The following FLVCR1 variants were observed in gnomAD, a reference collection of about 807,000 sequenced individuals.
FLVCR1 encodes the protein choline/ethanolamine transporter FLVCR1.
In FLVCR1, 34 loss-of-function variants were observed where a neutral mutation model predicts 53.6. The observed-to-expected ratio is 0.63, with a 90% CI of 0.48 to 0.84. The LOEUF (loss-of-function observed/expected upper bound fraction) is 0.84, where lower values mean the gene tolerates loss of function less well. Among genes scored for constraint, FLVCR1 ranks in the 40% least tolerant of loss-of-function variants. The pLI, the probability that FLVCR1 is intolerant of heterozygous loss-of-function variation, is 0.00. For missense variants in FLVCR1, 677 were observed against 696.7 expected, an observed-to-expected ratio of 0.97 and a Z score of 0.32; for synonymous variants, 300 against 286.3, an observed-to-expected ratio of 1.05 and a Z score of -0.48.
rs1040880233 is a variant in FLVCR1, at chr1:212,898,665, A to G, written c.*3375A>G. Reference sequence around the variant, plus strand: ...CTGTAATATGTCAAGCAAGAATGTTATAATTCTACAGTAATGTGTGACTTC... The same window carrying G: ...CTGTAATATGTCAAGCAAGAATGTTGTAATTCTACAGTAATGTGTGACTTC... On this transcript the variant is annotated 3_prime_UTR_variant, in exon 10 of 10. Transcript: ENST00000366971. The G allele has an allele frequency of 6.6e-6, 1 of 152,238 alleles. No individual in the cohort carries two copies. The highest frequency in any genetic ancestry group is 2.4e-5 in the African/African-American group (1 of 41,462). 9.4% of individuals were successfully genotyped at this position (152,238 alleles called of 1,614,324 possible). A position where few individuals can be genotyped will look rare whatever the true frequency, so the allele number is the denominator to read the frequency against.
At chr1:212,876,389 G>A (rs1055561621) in intron 3 of FLVCR1, among the ~76,000 whole-genome samples, 4 of 144,400 alleles carry the variant, frequency 2.8e-5, no homozygotes, top group African/African-American at 1.0e-4. Context: ...TTTTTTTTGA[G>A]ATGGAGTTTC....
chr1:212,873,016 G>A (rs1664648588), intron 3 of FLVCR1, among the ~76,000 whole-genome samples, 198 bp downstream of exon 3: 1 of 152,088 alleles, frequency 6.6e-6, no homozygotes, highest in African/African-American at 2.4e-5. Flanking sequence ...TTTTTAAAAG[G>A]TAGTTTTTGG....
chr1:212,888,005 A>G lies in FLVCR1; in HGVS notation c.1307+4A>G. The G allele has an allele frequency of 6.8e-7, 1 of 1,470,064 alleles. No homozygotes were observed. The highest frequency in any genetic ancestry group is 9.5e-7 in the Non-Finnish European group (1 of 1,048,876). 91.1% of individuals were successfully genotyped at this position (1,470,064 alleles called of 1,614,324 possible). On this transcript the variant is annotated splice_donor_region_variant and intron_variant, in intron 6 of 9. Transcript: ENST00000366971. Reference sequence around the variant, plus strand: ...TTGTTACTGGAGGGGTGCTTGGGTAAGTATCAGATGTGTTTAGGAGGAATG... The same window carrying G: ...TTGTTACTGGAGGGGTGCTTGGGTAGGTATCAGATGTGTTTAGGAGGAATG...
chr1:212,866,383 A>AG (rs1664430576), intron 2 of FLVCR1, among the ~76,000 whole-genome samples: 2 of 151,984 alleles, frequency 1.3e-5, no homozygotes, highest in South Asian at 4.1e-4. Flanking sequence ...GGCCTCCCAA[A>AG]GGGCTGGGAT....
chr1:212,862,634 T>C (rs183796434), intron 1 of FLVCR1, among the ~76,000 whole-genome samples: 22 of 152,378 alleles, frequency 1.4e-4, no homozygotes, highest in African/African-American at 4.6e-4. Context: ...TGAATAGGGC[T>C]GCTGTGAACA....
intron 2 of FLVCR1, among the ~76,000 whole-genome samples, chr1:212,867,519 TAACTCCCTATATA>T (rs1426298286): frequency 6.6e-6 from 1 of 152,226 alleles, no homozygotes. Flanking sequence ...CTAGACAATT[TAACTCCCTATATA>T]AAAGTTACAG....
intron 2 of FLVCR1, chr1:212,870,177 A>G (rs1021721537): frequency 1.3e-5 from 2 of 152,220 alleles, no homozygotes; most frequent in Non-Finnish European, 2.9e-5. Context: ...ATGTAAGGAT[A>G]TTAAAAAGTA....
chr1:212,881,219 C>T (rs1204714052), intron 3 of FLVCR1, among the ~76,000 whole-genome samples: 1 of 150,642 alleles, frequency 6.6e-6, no homozygotes, highest in African/African-American at 2.4e-5. Context: ...ATAGTAGAGA[C>T]CAAAGAGTAA....
At chr1:212,894,441 C>T (rs12755947) in intron 8 of FLVCR1, among the ~76,000 whole-genome samples, 59,971 of 151,974 alleles carry the variant, frequency 0.39, 13,345 homozygotes, top group South Asian at 0.52. Flanking sequence ...GCATGACCCA[C>T]CACGCCCAGC....
chr1:212,890,183 T>G (rs1321525197), intron 8 of FLVCR1, among the ~76,000 whole-genome samples: 1 of 152,368 alleles, frequency 6.6e-6, no homozygotes, highest in East Asian at 1.9e-4. Context: ...AGTTTGCCCA[T>G]GCACATGGGT....
chr1:212,890,275 G>A (rs1476338952), intron 8 of FLVCR1, among the ~76,000 whole-genome samples: 1 of 152,122 alleles, frequency 6.6e-6, no homozygotes, highest in East Asian at 1.9e-4. Context: ...TAGTATAACA[G>A]CTATTTACAT....
In FLVCR1 at chr1:212,858,849, A is replaced by G; in HGVS notation, c.397A>G (p.Asn133Asp). Residue 133 changes from asparagine (N) to aspartate (D), a missense_variant, in exon 1 of 10, where the codon AAC (asparagine) becomes GAC (aspartate). Asn to Asp is a conservative substitution (Grantham distance 23). Coordinates refer to ENST00000366971, the MANE Select transcript of FLVCR1 (RefSeq NM_014053.4). The stretch of plus-strand genomic sequence containing the variant: ...GTGGATCCAGTACAGCATCATTAGC[A>G]ACGTCTTCGAGGGCTTCTACGGTGT... ...FQWIQYSIISNVFEGFYGVTL... is the reference protein window; with the variant it reads ...FQWIQYSIISDVFEGFYGVTL... 1.2e-6 allele frequency: 2 copies of G among 1,614,156 alleles called. No homozygotes were observed. The highest frequency in any genetic ancestry group is 1.1e-5 in the South Asian group (1 of 91,080).
intron 3 of FLVCR1, among the ~76,000 whole-genome samples, chr1:212,883,085 G>A (rs12750027): frequency 0.043 from 6,542 of 152,174 alleles, 166 homozygotes; most frequent in Middle Eastern, 0.075. Context: ...GCATGTGGGG[G>A]TATGATTTAT....
chr1:212,872,941 C>G (rs1664645829), intron 3 of FLVCR1, 123 bp downstream of exon 3: 2 of 940,820 alleles, frequency 2.1e-6, no homozygotes, highest in Non-Finnish European at 3.3e-6. Flanking sequence ...ACAGCATAAT[C>G]ATGAACTTAA....
chr1:212,892,278 A>G (rs1284232967), intron 8 of FLVCR1, among the ~76,000 whole-genome samples: 1 of 152,246 alleles, frequency 6.6e-6, no homozygotes, highest in East Asian at 1.9e-4. Flanking sequence ...TAGGACTGCC[A>G]TAGCTAGAGA....
At chr1:212,865,981 G>GTTTTT (rs1319691717) in intron 2 of FLVCR1, among the ~76,000 whole-genome samples, 10 of 41,292 alleles carry the variant, frequency 2.4e-4, no homozygotes, top group East Asian at 1.3e-3. Flanking sequence ...TTGGGGTTTG[G>GTTTTT]TTTTTTTTTT....
At chr1:212,877,404 G>A (rs1197813731) in intron 3 of FLVCR1, among the ~76,000 whole-genome samples, 2 of 151,846 alleles carry the variant, frequency 1.3e-5, no homozygotes, top group Non-Finnish European at 2.9e-5. Flanking sequence ...TAGTAGAGAC[G>A]GGGTTTCACC....
At chr1:212,879,333 TA>T (rs1434345421) in intron 3 of FLVCR1, among the ~76,000 whole-genome samples, 5 of 152,198 alleles carry the variant, frequency 3.3e-5, no homozygotes, top group Admixed American at 3.3e-4. Context: ...TTAGGGATCA[TA>T]ATGTTTGCGT....
chr1:212,860,350 G>GT (rs567270153), intron 1 of FLVCR1, among the ~76,000 whole-genome samples: 24,761 of 85,828 alleles, frequency 0.29, 6,040 homozygotes, highest in East Asian at 0.7. Context: ...TGTGTGTGTG[G>GT]TTTTTTTTTT....
Sources: allele counts gnomAD v4.1 joint callset (sites outside exome capture counted in the v4.1 genomes callset), GRCh38; gene constraint gnomAD v4.1.1; transcripts MANE v1.5; gene names NCBI Gene and HGNC (gene_info 2026-07-23, HGNC 2026-07-21).